LRRC4C: variants seen among roughly 807,000 people sequenced by gnomAD.
LRRC4C encodes the protein leucine-rich repeat-containing protein 4C.
LRRC4C carries 5 observed loss-of-function variants against 33.6 expected under a neutral mutation model. That is an observed-to-expected ratio of 0.15 (90% CI 0.08 to 0.31). LRRC4C has a LOEUF of 0.31. Among genes scored for constraint, LRRC4C ranks in the 10% least tolerant of loss-of-function variants. LRRC4C has a pLI of 1.00. For synonymous variants in LRRC4C, 329 were observed against 302.0 expected (o/e 1.09, Z -0.93); for missense variants, 560 against 796.7 (o/e 0.70, Z 3.58).
chr11:40,413,300 A>G (rs1310813689), intron 3 of LRRC4C, among the ~76,000 whole-genome samples: 1 of 152,074 alleles, frequency 6.6e-6, no homozygotes, highest in Non-Finnish European at 1.5e-5. Context: ...ATCAAAGGAA[A>G]GAGGAGAGGA....
chr11:40,352,241 T>G (rs1392554369), intron 3 of LRRC4C, among the ~76,000 whole-genome samples: 2 of 151,664 alleles, frequency 1.3e-5, no homozygotes, highest in Non-Finnish European at 2.9e-5. Context: ...TGCTTTTTAT[T>G]TTTTGTGGAT....
intron 3 of LRRC4C, among the ~76,000 whole-genome samples, chr11:40,555,198 G>C (rs564991946): frequency 5.9e-5 from 9 of 152,278 alleles, no homozygotes; most frequent in Non-Finnish European, 1.3e-4. Context: ...TCAGGAAAGA[G>C]AGATAATTTT....
At chr11:41,160,289 A>G (rs1333692661) in intron 1 of LRRC4C, among the ~76,000 whole-genome samples, 2 of 151,926 alleles carry the variant, frequency 1.3e-5, no homozygotes, top group East Asian at 3.9e-4. Context: ...AAATGACTTC[A>G]TGCCAGGAGA....
intron 1 of LRRC4C, among the ~76,000 whole-genome samples, chr11:41,057,571 G>T (rs1858723019): frequency 6.6e-6 from 1 of 152,222 alleles, no homozygotes; most frequent in East Asian, 1.9e-4. Context: ...TTCTGGGCCT[G>T]CCCATGGACC....
intron 1 of LRRC4C, among the ~76,000 whole-genome samples, chr11:41,341,042 G>T (rs1951619070): frequency 6.6e-6 from 1 of 151,348 alleles, no homozygotes; most frequent in African/African-American, 2.4e-5. Context: ...AAATGGGAAG[G>T]TAGAGAGAGA....
chr11:40,477,900 T>G (rs1030184208), intron 3 of LRRC4C, among the ~76,000 whole-genome samples: 1 of 152,006 alleles, frequency 6.6e-6, no homozygotes, highest in Non-Finnish European at 1.5e-5. Context: ...CAGTGAGAGA[T>G]AACTGAATCA....
At position 40,115,515 on chromosome 11, in the gene LRRC4C, G is replaced by A. The variant is rs765406670; in HGVS notation, c.778C>T (p.Arg260Trp). 10 of 1,614,040 alleles carry A rather than the reference G, an allele frequency of 6.2e-6. No individual in the cohort carries two copies. Among genetic ancestry groups the A allele is most frequent in the African/African-American group, 2.7e-5 (2 of 74,912 alleles). ...MIQSQIQVIE[R>W]NAFDNLQSLV... ...GACTGAAGGTTGTCAAAGGCATTCC[G>A]TTCAATCACTTGAATCTGGGACTGT... is the stretch of plus-strand genomic sequence containing the variant. The change falls in exon 7 of 7, where the codon CGG (arginine) becomes TGG (tryptophan). Residue 260 changes from arginine to tryptophan, a missense_variant. By Grantham distance (101) the Arg-to-Trp change is moderately radical (BLOSUM62 -3). Coordinates refer to ENST00000528697, the MANE Select transcript of LRRC4C (RefSeq NM_001258419.2). This position sits in a 1 kb window ranked among gnomAD's most constrained non-coding sequence, Gnocchi z 6.7.
chr11:40,142,510 C>T (rs972157545), intron 5 of LRRC4C, among the ~76,000 whole-genome samples: 2 of 151,906 alleles, frequency 1.3e-5, no homozygotes, highest in African/African-American at 2.4e-5. Context: ...ATCAAATAGC[C>T]GGTTCTCAAT....
chr11:40,181,605 C>T (rs1465350685), intron 5 of LRRC4C, among the ~76,000 whole-genome samples: 1 of 152,198 alleles, frequency 6.6e-6, no homozygotes, highest in African/African-American at 2.4e-5. Context: ...ACAGGACTTG[C>T]TATTTTGGTA....
intron 5 of LRRC4C, among the ~76,000 whole-genome samples, chr11:40,152,603 C>T (rs1428794110): frequency 1.3e-5 from 2 of 152,168 alleles, no homozygotes; most frequent in Admixed American, 1.3e-4. Flanking sequence ...TGTTGTGGGG[C>T]ACAGTGGGAG....
intron 3 of LRRC4C, among the ~76,000 whole-genome samples, chr11:40,394,850 C>T (rs569225758): frequency 7.2e-5 from 11 of 152,238 alleles, no homozygotes; most frequent in African/African-American, 1.4e-4. Context: ...CATGAAACTA[C>T]GATTTTCAGA....
intron 5 of LRRC4C, among the ~76,000 whole-genome samples, chr11:40,232,138 C>A (rs1865246911): frequency 6.6e-6 from 1 of 152,134 alleles, no homozygotes; most frequent in Non-Finnish European, 1.5e-5. Flanking sequence ...TCCCAAGTAG[C>A]CGAGATTACA....
intron 1 of LRRC4C, among the ~76,000 whole-genome samples, chr11:40,961,662 C>T (rs532544938): frequency 9.2e-5 from 14 of 151,608 alleles, no homozygotes; most frequent in South Asian, 2.1e-4. Context: ...ACTTTCAGCA[C>T]GAAAGTTCAT....
At chr11:40,622,788 ACTCT>A (rs971511642) in intron 3 of LRRC4C, among the ~76,000 whole-genome samples, 1 of 151,790 alleles carries the variant, frequency 6.6e-6, no homozygotes, top group Admixed American at 6.6e-5. Flanking sequence ...GGATAAACAC[ACTCT>A]CTATATCATA....
intron 2 of LRRC4C, among the ~76,000 whole-genome samples, chr11:40,819,078 G>A (rs1279765232): frequency 1.3e-5 from 2 of 152,022 alleles, no homozygotes; most frequent in East Asian, 1.9e-4. Context: ...AAGGAAGGAG[G>A]TATCCAATGA....
chr11:40,947,324 T>A (rs558418631), intron 1 of LRRC4C, among the ~76,000 whole-genome samples: 2 of 152,284 alleles, frequency 1.3e-5, no homozygotes, highest in South Asian at 4.1e-4. Flanking sequence ...GTAACACATT[T>A]TAGGTTTTGC....
chr11:40,607,842 T>C (rs1447513628), intron 3 of LRRC4C, among the ~76,000 whole-genome samples: 2 of 152,080 alleles, frequency 1.3e-5, no homozygotes, highest in Non-Finnish European at 2.9e-5. Context: ...GCTGGGGCTT[T>C]GGGAGCTGTA....
chr11:41,099,926 T>C (rs896143570), intron 1 of LRRC4C, among the ~76,000 whole-genome samples: 3 of 152,186 alleles, frequency 2.0e-5, no homozygotes, highest in Non-Finnish European at 4.4e-5. Context: ...CATAATTCTG[T>C]ATCTGGAAAA....
intron 1 of LRRC4C, among the ~76,000 whole-genome samples, chr11:41,258,647 A>C (rs1948879413): frequency 1.3e-5 from 2 of 151,986 alleles, no homozygotes; most frequent in Admixed American, 6.6e-5. Flanking sequence ...TTATAGAAGG[A>C]AGGAACTCAA....
Sources: allele counts gnomAD v4.1 joint callset (sites outside exome capture counted in the v4.1 genomes callset), GRCh38; gene constraint gnomAD v4.1.1; non-coding constraint Gnocchi (gnomAD v3.1); transcripts MANE v1.5; gene names NCBI Gene and HGNC (gene_info 2026-07-23, HGNC 2026-07-21).